The following SNTG1 variants were observed in gnomAD, a reference collection of about 807,000 sequenced individuals.
SNTG1 encodes the protein gamma-1-syntrophin.
In SNTG1, 39 loss-of-function variants were observed where a neutral mutation model predicts 74.7. The ratio of observed to expected loss-of-function variants is 0.52; its 90% CI spans 0.40 to 0.68. SNTG1 has a LOEUF of 0.68. SNTG1 is among the 30% of genes least tolerant of loss of function. SNTG1 has a pLI of 0.00. For synonymous variants in SNTG1, 254 were observed against 217.1 expected (o/e 1.17, Z -1.49); for missense variants, 685 against 609.5 (o/e 1.12, Z -1.30).
At chr8:50,050,474 A>G (rs1436851199) in intron 1 of SNTG1, among the ~76,000 whole-genome samples, 2 of 152,048 alleles carry the variant, frequency 1.3e-5, no homozygotes, top group Non-Finnish European at 2.9e-5. Context: ...CTTCCAAAAC[A>G]AAAAGCACCA....
chr8:50,429,294 A>G (rs1383737767), intron 4 of SNTG1, among the ~76,000 whole-genome samples: 5 of 152,160 alleles, frequency 3.3e-5, no homozygotes, highest in Admixed American at 3.3e-4. Context: ...CGATAGACAT[A>G]ATAGATCAGT....
At chr8:50,737,552 C>T (rs1331496674) in intron 17 of SNTG1, among the ~76,000 whole-genome samples, 1 of 152,124 alleles carries the variant, frequency 6.6e-6, no homozygotes, top group Non-Finnish European at 1.5e-5. Context: ...CTCCCTAACT[C>T]ATTTTATGAG....
intron 2 of SNTG1, among the ~76,000 whole-genome samples, chr8:50,274,046 T>C (rs6473039): frequency 0.79 from 120,138 of 151,956 alleles, 48,656 homozygotes; most frequent in East Asian, 1. Flanking sequence ...AATGCTGGTA[T>C]ATAAGAGCAC....
At chr8:50,109,506 A>G (rs1394333188) in intron 1 of SNTG1, among the ~76,000 whole-genome samples, 1 of 152,178 alleles carries the variant, frequency 6.6e-6, no homozygotes, top group East Asian at 1.9e-4. Flanking sequence ...AGTTAGATCA[A>G]GAGTTCTCAA....
intron 2 of SNTG1, among the ~76,000 whole-genome samples, chr8:50,300,530 A>G (rs922355265): frequency 6.6e-6 from 1 of 152,172 alleles, no homozygotes; most frequent in African/African-American, 2.4e-5. Flanking sequence ...TAAAATTGGT[A>G]TTCTTCTAAT....
chr8:49,963,119 G>A (rs188626981), intron 1 of SNTG1, among the ~76,000 whole-genome samples: 1 of 152,342 alleles, frequency 6.6e-6, no homozygotes, highest in Non-Finnish European at 1.5e-5. Context: ...AGGAATACAT[G>A]AGTGGATGCA....
chr8:50,518,883 G>A (rs193241540), intron 9 of SNTG1, among the ~76,000 whole-genome samples: 115 of 152,218 alleles, frequency 7.6e-4, no homozygotes, highest in South Asian at 2.7e-3. Flanking sequence ...GTACCAACAG[G>A]AGCTGGCACC....
chr8:50,019,211 G>C (rs1816608674), intron 1 of SNTG1, among the ~76,000 whole-genome samples: 1 of 152,000 alleles, frequency 6.6e-6, no homozygotes, highest in Non-Finnish European at 1.5e-5. Flanking sequence ...TAAATGGATG[G>C]ATTTTATAGT....
intron 2 of SNTG1, among the ~76,000 whole-genome samples, chr8:50,273,619 A>G (rs966723121): frequency 6.6e-6 from 1 of 152,232 alleles, no homozygotes; most frequent in African/African-American, 2.4e-5. Context: ...GAGCAGATGC[A>G]TGATGCAGTT....
intron 18 of SNTG1, 27 bp downstream of exon 18, chr8:50,752,138 C>A (rs201757476): frequency 3.1e-6 from 4 of 1,311,386 alleles, no homozygotes; most frequent in African/African-American, 3.1e-5. Flanking sequence ...CATCACATAA[C>A]ACCTCTAACT....
chr8:50,082,073 T>C (rs1289855399), intron 1 of SNTG1, among the ~76,000 whole-genome samples: 1 of 152,238 alleles, frequency 6.6e-6, no homozygotes, highest in Non-Finnish European at 1.5e-5. Context: ...TTTGTTATTG[T>C]CCATTTTAAC....
rs569955132 is a variant in SNTG1, at chr8:50,222,608, G to C, written c.-28+49973G>C. ...TACCTCCTTTTTCCTTAATTGTCCAGTTTGGGAGGATTTTGACCACTGACT... is the reference window on the plus strand; with the variant it reads ...TACCTCCTTTTTCCTTAATTGTCCACTTTGGGAGGATTTTGACCACTGACT... On this transcript the variant is annotated intron_variant, in intron 2 of 18. Coordinates refer to ENST00000642720, the MANE Select transcript of SNTG1 (RefSeq NM_018967.5). Among the ~76,000 whole-genome samples, 3 of 152,240 alleles carry C rather than the reference G, an allele frequency of 2.0e-5. No homozygotes were observed. The South Asian group carries it at 6.2e-4, about 32-fold the overall frequency.
At chr8:49,922,517 T>A (rs62503975) in intron 1 of SNTG1, among the ~76,000 whole-genome samples, 1,941 of 151,910 alleles carry the variant, frequency 0.013, 25 homozygotes, top group Non-Finnish European at 0.021. Flanking sequence ...AAGTATGGAG[T>A]CACTGAGCCT....
chr8:50,698,195 G>T (rs1585570084), intron 15 of SNTG1, among the ~76,000 whole-genome samples: 1 of 152,056 alleles, frequency 6.6e-6, no homozygotes, highest in South Asian at 2.1e-4. Flanking sequence ...AAGTTTTCAG[G>T]AATTTGTCCA....
At chr8:49,956,071 A>C (rs77914008) in intron 1 of SNTG1, among the ~76,000 whole-genome samples, 1,966 of 152,354 alleles carry the variant, frequency 0.013, 50 homozygotes, top group African/African-American at 0.043. Flanking sequence ...GAAGTGTTAC[A>C]TACATCAATT....
intron 2 of SNTG1, among the ~76,000 whole-genome samples, chr8:50,351,048 C>T (rs1441560561): frequency 1.3e-5 from 2 of 152,212 alleles, no homozygotes; most frequent in African/African-American, 4.8e-5. Flanking sequence ...CTGCGAGGGT[C>T]TGCAGCTTCA....
intron 2 of SNTG1, among the ~76,000 whole-genome samples, chr8:50,370,145 G>T (rs1018857121): frequency 6.6e-6 from 1 of 152,176 alleles, no homozygotes; most frequent in Non-Finnish European, 1.5e-5. Flanking sequence ...TGCACAAAGT[G>T]AGAAAATAAA....
chr8:50,657,094 C>G, intron 14 of SNTG1, 69 bp downstream of exon 14: 2 of 767,806 alleles, frequency 2.6e-6, no homozygotes, highest in Admixed American at 2.8e-5. Flanking sequence ...AACTTAACAG[C>G]ACCAAATAGT....
chr8:50,164,441 C>G (rs1321163015), intron 1 of SNTG1: 2 of 152,102 alleles, frequency 1.3e-5, no homozygotes, highest in African/African-American at 4.8e-5. Flanking sequence ...ATTTAAAGCT[C>G]TATCAGGCAA....
Sources: gnomAD v4.1 joint callset for allele counts (sites outside exome capture counted in the v4.1 genomes callset) on GRCh38, gnomAD v4.1.1 for gene constraint, MANE v1.5 for transcripts, NCBI Gene and HGNC (gene_info 2026-07-23, HGNC 2026-07-21) for gene names.